The following CSDE1 variants were observed in gnomAD, a reference collection of about 807,000 sequenced individuals.
The protein encoded by CSDE1 is cold shock domain containing E1.
In CSDE1, 17 loss-of-function variants were observed where a neutral mutation model predicts 89.3. The ratio of observed to expected loss-of-function variants is 0.19; its 90% CI spans 0.13 to 0.29. The LOEUF (loss-of-function observed/expected upper bound fraction) is 0.29. CSDE1 is among the 10% of genes least tolerant of loss of function. The probability of loss-of-function intolerance (pLI) is 1.00; values close to 1 mark genes in which losing one functional copy is unlikely to be tolerated. For missense variants in CSDE1, 672 were observed against 984.2 expected (o/e 0.68, Z 4.24); for synonymous variants, 322 against 332.8 (o/e 0.97, Z 0.35).
chr1:114,732,583 C>T (rs773311542), intron 10 of CSDE1, 21 bp downstream of exon 10: 15 of 1,603,256 alleles, frequency 9.4e-6, no homozygotes, highest in Non-Finnish European at 1.2e-5. Flanking sequence ...AGATACATAT[C>T]CAGTAATATC....
intron 12 of CSDE1, among the ~76,000 whole-genome samples, chr1:114,727,363 C>T (rs748207218): frequency 1.3e-5 from 2 of 152,102 alleles, no homozygotes; most frequent in Non-Finnish European, 2.9e-5. Context: ...ATGTTTAATA[C>T]ACCTGCGCTC....
At chr1:114,741,440 G>C in intron 2 of CSDE1, 1 of 1,260,236 alleles carries the variant, frequency 7.9e-7, no homozygotes, top group Non-Finnish European at 1.1e-6. Flanking sequence ...GAGTCGGCAA[G>C]ATATTTCAAC....
intron 16 of CSDE1, among the ~76,000 whole-genome samples, chr1:114,721,540 A>G (rs948130347): frequency 1.3e-5 from 2 of 152,200 alleles, no homozygotes; most frequent in Non-Finnish European, 2.9e-5. Context: ...ACAGGTGGGA[A>G]GCAGAAGCTT....
In CSDE1 at chr1:114,739,677, G is replaced by C; in HGVS notation, c.199+15C>G. ...TTTGTGATTACATTTTTACAAAGGA[G>C]AACTGACAGATTACCTCCTACTTTT... On this transcript the variant is annotated intron_variant, in intron 3 of 19. Coordinates refer to ENST00000358528, the MANE Select transcript of CSDE1 (RefSeq NM_001007553.3). 6.3e-7 allele frequency: 1 copy of C among 1,590,062 alleles called. No homozygotes were observed. The highest frequency in any genetic ancestry group is 1.1e-5 in the South Asian group (1 of 90,446).
At chr1:114,722,042 T>C (rs1000018773) in intron 16 of CSDE1, among the ~76,000 whole-genome samples, 3 of 152,014 alleles carry the variant, frequency 2.0e-5, no homozygotes, top group Non-Finnish European at 4.4e-5. Flanking sequence ...CCATGATACC[T>C]GGCTAATTTT....
chr1:114,739,603 T>G, intron 3 of CSDE1, 89 bp downstream of exon 3: 1 of 1,137,792 alleles, frequency 8.8e-7, no homozygotes, highest in South Asian at 1.4e-5. Context: ...TTAATTTACA[T>G]AAAACTTTTT....
At chr1:114,754,212 C>T (rs1332310812) in intron 1 of CSDE1, among the ~76,000 whole-genome samples, 1 of 152,118 alleles carries the variant, frequency 6.6e-6, no homozygotes, top group Non-Finnish European at 1.5e-5. Flanking sequence ...AGGCTGGTCT[C>T]GAACTCCTGA....
At chr1:114,722,806 T>A (rs997069219) in intron 16 of CSDE1, among the ~76,000 whole-genome samples, 1 of 152,156 alleles carries the variant, frequency 6.6e-6, no homozygotes, top group African/African-American at 2.4e-5. Context: ...TGGCATTTGT[T>A]TAAAAATTCA....
intron 10 of CSDE1, among the ~76,000 whole-genome samples, chr1:114,731,606 T>A (rs1660104507): frequency 6.6e-6 from 1 of 152,146 alleles, no homozygotes; most frequent in African/African-American, 2.4e-5. Flanking sequence ...TCTGAGAAAA[T>A]GAGTTCATAA....
chr1:114,720,936 T>A (rs1659486102), intron 16 of CSDE1, among the ~76,000 whole-genome samples: 1 of 152,230 alleles, frequency 6.6e-6, no homozygotes, highest in Admixed American at 6.5e-5. Flanking sequence ...ATCAGTACTT[T>A]ATTAGCTGAT....
intron 1 of CSDE1, among the ~76,000 whole-genome samples, chr1:114,755,844 T>G (rs12136312): frequency 0.2 from 30,907 of 152,192 alleles, 3,589 homozygotes; most frequent in Non-Finnish European, 0.25. Flanking sequence ...AAGAACATCG[T>G]TCCAAAATTT....
chr1:114,725,102 T>C, intron 15 of CSDE1, 119 bp downstream of exon 15: 1 of 784,944 alleles, frequency 1.3e-6, no homozygotes, highest in Non-Finnish European at 2.2e-6. Context: ...GCTGCTGTTC[T>C]ATGGAATCGC....
chr1:114,718,795 G>A (rs773766449), intron 18 of CSDE1, 50 bp from the exon 19 acceptor site: 1 of 1,595,818 alleles, frequency 6.3e-7, no homozygotes, highest in Non-Finnish European at 8.5e-7. Flanking sequence ...TGGGCAGACA[G>A]CAAGCACTTG....
At chr1:114,718,820 T>C (rs1659349378) in intron 18 of CSDE1, 75 bp from the exon 19 acceptor site, 2 of 1,544,374 alleles carry the variant, frequency 1.3e-6, no homozygotes, top group South Asian at 2.4e-5. Context: ...GGAGTGTGTT[T>C]TCCACCTAAC....
chr1:114,740,418 A>C (rs1558002956), intron 2 of CSDE1, among the ~76,000 whole-genome samples: 1 of 152,230 alleles, frequency 6.6e-6, no homozygotes, highest in Non-Finnish European at 1.5e-5. Context: ...TAAACTAGAA[A>C]ATTTCAGAGT....
intron 18 of CSDE1, 100 bp downstream of exon 18, chr1:114,719,479 G>T: frequency 8.8e-7 from 1 of 1,133,816 alleles, no homozygotes; most frequent in Non-Finnish European, 1.2e-6. Flanking sequence ...ATAATAAGTG[G>T]CAGAAGACAA....
Position 114,720,682 on chromosome 1 carries a change from C to T in CSDE1, c.1909G>A (p.Val637Ile), listed in dbSNP as rs761891340. Residue 637 changes from valine to isoleucine, a missense_variant, in exon 17 of 20, where the codon GTT becomes ATT. Val to Ile is a conservative substitution (Grantham distance 29). Coordinates refer to ENST00000358528, the MANE Select transcript of CSDE1 (RefSeq NM_001007553.3). ...CAATCCCCTTTGTTGGCCATCCCAACGATGCCAAATGGATAGACCTCACCT... is the reference window on the plus strand; with the variant it reads ...CAATCCCCTTTGTTGGCCATCCCAATGATGCCAAATGGATAGACCTCACCT... ...MKGEVYPFGI[V>I]GMANKGDCLQ... 6.8e-6 allele frequency: 11 copies of T among 1,614,056 alleles called. No individual in the cohort carries two copies. Among genetic ancestry groups the T allele is most frequent in the Non-Finnish European group, 7.6e-6 (9 of 1,180,032 alleles).
At chr1:114,742,265 G>A (rs1244811523) in intron 2 of CSDE1, among the ~76,000 whole-genome samples, 2 of 152,092 alleles carry the variant, frequency 1.3e-5, no homozygotes, top group Non-Finnish European at 2.9e-5. Flanking sequence ...TATAAATTTA[G>A]TTATCTAGTG....
intron 10 of CSDE1, among the ~76,000 whole-genome samples, chr1:114,730,865 TC>T (rs912443648): frequency 2.0e-5 from 3 of 152,250 alleles, no homozygotes; most frequent in African/African-American, 7.2e-5. Context: ...AATTGCTACT[TC>T]CTGGCAAATA....
Sources: allele counts gnomAD v4.1 joint callset (sites outside exome capture counted in the v4.1 genomes callset), GRCh38; gene constraint gnomAD v4.1.1; transcripts MANE v1.5; gene names NCBI Gene and HGNC (gene_info 2026-07-23, HGNC 2026-07-21).